SCAF8: variants seen among roughly 807,000 people sequenced by gnomAD.
SCAF8 encodes SR-related CTD associated factor 8.
A neutral mutation model predicts 140.5 loss-of-function variants in SCAF8; 23 were observed. The observed-to-expected ratio is 0.16, with a 90% CI of 0.12 to 0.23. SCAF8 has a LOEUF of 0.23. SCAF8 is among the 10% of genes least tolerant of loss of function. The pLI is 1.00. For synonymous variants in SCAF8, 575 were observed against 528.9 expected, an observed-to-expected ratio of 1.09 and a Z score of -1.20; for missense variants, 1,397 against 1,555.7, an observed-to-expected ratio of 0.90 and a Z score of 1.72.
rs570910990 is a variant in SCAF8, at chr6:154,833,288, T to C, written c.3709T>C (p.Tyr1237His). 7.8e-5 allele frequency: 126 copies of C among 1,614,014 alleles called. No homozygotes were observed. The highest frequency in any genetic ancestry group is 7.4e-4 in the South Asian group (67 of 91,084). Residue 1237 changes from tyrosine to histidine, a missense_variant, in exon 20 of 20, where the codon TAT becomes CAT. Transcript: ENST00000367178. ...ACCAGTACAGAATGATCCTGAACTT[T>C]ATGAAAAACTGACATCTTCAAATGA... ...PIPVQNDPELYEKLTSSNEIN... is the reference protein window; with the variant it reads ...PIPVQNDPELHEKLTSSNEIN...
intron 2 of SCAF8, 137 bp downstream of exon 2, chr6:154,774,209 AAG>A (rs1366503967): frequency 1.6e-6 from 1 of 637,122 alleles, no homozygotes; most frequent in African/African-American, 1.9e-5. Flanking sequence ...AAACACAAAA[AAG>A]AAAATCTGTC....
chr6:154,742,105 G>A, intron 1 of SCAF8: 1 of 861,110 alleles, frequency 1.2e-6, no homozygotes, highest in Non-Finnish European at 1.8e-6. Flanking sequence ...TGATTATATG[G>A]TTAGTACTTG....
rs765329052 is a variant in SCAF8 at position 154,832,419 on chromosome 6, C to T, written c.2840C>T (p.Pro947Leu). ...TTCCCTTTAATACAGCCTGGAATTC[C>T]ACCCCAACGGGGAATCCCACCCCCA... ...PRFPLIQPGI[P>L]PQRGIPPPSV... Residue 947 changes from proline (P) to leucine (L), a missense_variant, in exon 20 of 20, where the codon CCA becomes CTA. Around this residue, in one of 5 missense-constraint regions of SCAF8, gnomAD observed 930 missense variants for 874.6 expected, o/e 1.06. Transcript: ENST00000367178. 10 of 1,613,978 alleles carry T rather than the reference C, an allele frequency of 6.2e-6. No individual in the cohort carries two copies. Among genetic ancestry groups the T allele is most frequent in the South Asian group, 4.4e-5 (4 of 91,088 alleles).
intron 3 of SCAF8, among the ~76,000 whole-genome samples, chr6:154,783,319 A>C (rs1459982275): frequency 3.3e-5 from 5 of 152,174 alleles, no homozygotes; most frequent in Admixed American, 3.3e-4. Flanking sequence ...ATTTATTTTG[A>C]TAAAATCTAG....
intron 6 of SCAF8, 114 bp from the exon 7 acceptor site, chr6:154,801,857 T>G (rs953052757): frequency 3.0e-6 from 2 of 656,910 alleles, no homozygotes; most frequent in South Asian, 2.3e-5. Flanking sequence ...ATAGTGTGTA[T>G]TTTTTTCAAA....
intron 12 of SCAF8, among the ~76,000 whole-genome samples, chr6:154,814,031 T>C (rs982772246): frequency 4.6e-5 from 7 of 152,258 alleles, no homozygotes; most frequent in East Asian, 1.9e-4. Flanking sequence ...TATTTTGTTA[T>C]AGCAGCAATA....
chr6:154,834,195 T>A lies in SCAF8; in HGVS notation c.*800T>A, dbSNP rs1331610465. 6.6e-6 allele frequency: 1 copy of A among 152,228 alleles called. No homozygotes were observed. Among genetic ancestry groups the A allele is most frequent in the African/African-American group, 2.4e-5 (1 of 41,466 alleles). The allele number at this position is 152,228 out of a possible 1,614,324, so 9.4% of individuals were successfully genotyped here. ...TATGTGGTGGAAAAAGCATGTACTT[T>A]GATATAAAAATCATGCAGCCTCCTC... On this transcript the variant is annotated 3_prime_UTR_variant, in exon 20 of 20. Coordinates refer to ENST00000367178, the MANE Select transcript of SCAF8 (RefSeq NM_014892.5).
intron 3 of SCAF8, among the ~76,000 whole-genome samples, chr6:154,779,168 G>A (rs961909054): frequency 6.6e-6 from 1 of 152,142 alleles, no homozygotes; most frequent in African/African-American, 2.4e-5. Flanking sequence ...CTGTAGCTGG[G>A]ATTACAGACA....
chr6:154,773,284 AC>A (rs2114845118), intron 1 of SCAF8, among the ~76,000 whole-genome samples: 1 of 152,326 alleles, frequency 6.6e-6, no homozygotes, highest in East Asian at 1.9e-4. Flanking sequence ...TCTGGATATT[AC>A]ATATAAATGG....
chr6:154,810,489 C>G (rs1043300667), intron 12 of SCAF8, among the ~76,000 whole-genome samples: 4 of 151,940 alleles, frequency 2.6e-5, no homozygotes, highest in Non-Finnish European at 4.4e-5. Flanking sequence ...AGGCTGGTAT[C>G]TGTAGCATGG....
chr6:154,818,160 T>A (rs1778308687), intron 13 of SCAF8, among the ~76,000 whole-genome samples: 1 of 152,236 alleles, frequency 6.6e-6, no homozygotes, highest in South Asian at 2.1e-4. Flanking sequence ...TATACGAAGT[T>A]ATACATTTTG....
At chr6:154,744,843 A>G (rs149469853) in intron 1 of SCAF8, among the ~76,000 whole-genome samples, 82 of 152,304 alleles carry the variant, frequency 5.4e-4, no homozygotes, top group African/African-American at 1.9e-3. Context: ...TCCTGTAACC[A>G]TGTTTGCTTT....
At chr6:154,817,348 C>T (rs185718666) in intron 13 of SCAF8, among the ~76,000 whole-genome samples, 4 of 152,278 alleles carry the variant, frequency 2.6e-5, no homozygotes, top group African/African-American at 7.2e-5. Context: ...TCTTGTATCA[C>T]GGTCCCTTGA....
chr6:154,735,658 C>T (rs534229287), intron 1 of SCAF8, among the ~76,000 whole-genome samples: 46 of 151,576 alleles, frequency 3.0e-4, no homozygotes, highest in Non-Finnish European at 6.2e-4. Flanking sequence ...GGATTACAGG[C>T]GCACATCACC....
intron 17 of SCAF8, 57 bp downstream of exon 17, chr6:154,824,435 T>A (rs1778505767): frequency 4.7e-6 from 7 of 1,487,788 alleles, no homozygotes; most frequent in African/African-American, 2.8e-5. Flanking sequence ...TTAAGTTGTG[T>A]TTCTTCCAGA....
At chr6:154,823,916 A>G (rs953375213) in intron 16 of SCAF8, among the ~76,000 whole-genome samples, 1 of 152,234 alleles carries the variant, frequency 6.6e-6, no homozygotes, top group Non-Finnish European at 1.5e-5. Context: ...GTTAGGTTGC[A>G]TAACAGGTAT....
intron 18 of SCAF8, among the ~76,000 whole-genome samples, chr6:154,828,070 G>A (rs913090120): frequency 1.3e-4 from 20 of 152,042 alleles, no homozygotes; most frequent in African/African-American, 4.8e-4. Flanking sequence ...TTGGTGTTTT[G>A]TTCCCCTTTT....
At position 154,733,584 on chromosome 6, in the gene SCAF8, ACGGAG is replaced by A; in HGVS notation, c.-313_-309del. Reference sequence around the variant, plus strand: ...AGGGGCTAGAGGGAGGGGGACCGAAACGGAGCGGGGCAGAGAAGAGAAGGCGCCGC... The same window carrying A: ...AGGGGCTAGAGGGAGGGGGACCGAAACGGGGCAGAGAAGAGAAGGCGCCGC... On this transcript the variant is annotated 5_prime_UTR_variant, in exon 1 of 20. Coordinates refer to ENST00000367178, the MANE Select transcript of SCAF8 (RefSeq NM_014892.5). 1 of 1,281,258 alleles carries A rather than the reference ACGGAG, an allele frequency of 7.8e-7. No homozygotes were observed. The highest frequency in any genetic ancestry group is 3.2e-5 in the East Asian group (1 of 31,702). The allele number at this position is 1,281,258 out of a possible 1,614,324, so 79.4% of individuals were successfully genotyped here.
intron 12 of SCAF8, among the ~76,000 whole-genome samples, chr6:154,814,988 G>A (rs1003706090): frequency 6.6e-6 from 1 of 152,120 alleles, no homozygotes; most frequent in Non-Finnish European, 1.5e-5. Context: ...AATCCTTCCA[G>A]TACAGAAAGA....
Sources: gnomAD v4.1 joint callset for allele counts (sites outside exome capture counted in the v4.1 genomes callset) on GRCh38, gnomAD v4.1.1 for gene constraint, gnomAD v4.1.1 regional missense constraint, MANE v1.5 for transcripts, NCBI Gene and HGNC (gene_info 2026-07-23, HGNC 2026-07-21) for gene names.